Variants in IQUB observed in about 807,000 individuals in gnomAD.
IQUB encodes the protein IQ motif and ubiquitin-like domain-containing protein.
IQUB carries 86 observed loss-of-function variants against 86.4 expected under a neutral mutation model. The observed-to-expected ratio is 1.00, with a 90% CI of 0.84 to 1.19. IQUB has a LOEUF of 1.19. IQUB is among the 50% of genes most tolerant of loss of function. The probability of loss-of-function intolerance (pLI) is 0.00; values close to 1 mark genes in which losing one functional copy is unlikely to be tolerated. For synonymous variants in IQUB, 289 were observed against 304.5 expected (o/e 0.95, Z 0.53); for missense variants, 946 against 916.9 (o/e 1.03, Z -0.41).
chr7:123,529,727 A>AAAAAAAAAAC (rs1797430492), intron 1 of IQUB, among the ~76,000 whole-genome samples: 1 of 139,670 alleles, frequency 7.2e-6, no homozygotes, highest in African/African-American at 2.6e-5. Flanking sequence ...CTCTACTTAA[A>AAAAAAAAAAC]AAAAAAAAAA....
chr7:123,521,038 G>A (rs995464573), intron 1 of IQUB, among the ~76,000 whole-genome samples: 1 of 152,150 alleles, frequency 6.6e-6, no homozygotes, highest in Admixed American at 6.5e-5. Context: ...CTGAGTTTGA[G>A]ATGCCCATTG....
intron 1 of IQUB, among the ~76,000 whole-genome samples, chr7:123,530,448 A>G (rs1797477265): frequency 6.6e-6 from 1 of 152,116 alleles, no homozygotes; most frequent in Non-Finnish European, 1.5e-5. Context: ...ACAAAAAACC[A>G]AAAACAAAAC....
intron 7 of IQUB, among the ~76,000 whole-genome samples, chr7:123,495,597 A>C (rs972535335): frequency 6.6e-6 from 1 of 152,138 alleles, no homozygotes; most frequent in Non-Finnish European, 1.5e-5. Flanking sequence ...ACAAAAGCCA[A>C]TTGAGGCTAT....
At chr7:123,461,213 A>G (rs1793963867) in intron 11 of IQUB, 144 bp downstream of exon 11, 1 of 804,454 alleles carries the variant, frequency 1.2e-6, no homozygotes, top group South Asian at 2.1e-5. Flanking sequence ...GAAAAAAAGC[A>G]TACTCCTGCC....
intron 8 of IQUB, among the ~76,000 whole-genome samples, chr7:123,478,570 TA>T (rs537646372): frequency 2.0e-5 from 3 of 151,506 alleles, no homozygotes; most frequent in Non-Finnish European, 2.9e-5. Context: ...TAAAGTGTAA[TA>T]AAAAAAAGAA....
intron 1 of IQUB, among the ~76,000 whole-genome samples, chr7:123,513,424 G>C (rs1332505852): frequency 1.3e-5 from 2 of 152,198 alleles, no homozygotes; most frequent in East Asian, 3.9e-4. Context: ...AGAAAGCCTA[G>C]CATGTTTTTG....
chr7:123,503,587 C>T (rs1796047311), intron 3 of IQUB, among the ~76,000 whole-genome samples: 1 of 151,930 alleles, frequency 6.6e-6, no homozygotes, highest in Non-Finnish European at 1.5e-5. Flanking sequence ...ATTTTCTTAG[C>T]AATTTTCAAA....
At chr7:123,479,169 T>C (rs1287181066) in intron 8 of IQUB, among the ~76,000 whole-genome samples, 1 of 152,164 alleles carries the variant, frequency 6.6e-6, no homozygotes, top group African/African-American at 2.4e-5. Context: ...GAATTGACTT[T>C]AAATTGTTTG....
At chr7:123,496,934 A>C (rs1011413545) in intron 6 of IQUB, 28 bp from the exon 7 acceptor site, 2 of 1,458,096 alleles carry the variant, frequency 1.4e-6, no homozygotes, top group Non-Finnish European at 1.9e-6. Flanking sequence ...GGAAATAGAA[A>C]GTGCCTATCA....
intron 7 of IQUB, among the ~76,000 whole-genome samples, chr7:123,487,984 A>G (rs1211491968): frequency 1.3e-5 from 2 of 152,308 alleles, no homozygotes; most frequent in East Asian, 3.9e-4. Context: ...ACAGTAGAAC[A>G]TAAACTTTTA....
chr7:123,456,145 T>A (rs1278203085), intron 12 of IQUB, among the ~76,000 whole-genome samples: 2 of 152,104 alleles, frequency 1.3e-5, no homozygotes, highest in Non-Finnish European at 2.9e-5. Context: ...CAAATCTTGG[T>A]GCCCTTTACA....
chr7:123,460,216 A>C (rs1397297454), intron 11 of IQUB, among the ~76,000 whole-genome samples: 4 of 151,868 alleles, frequency 2.6e-5, no homozygotes, highest in African/African-American at 9.7e-5. Flanking sequence ...AATAATGCCT[A>C]TTTTGATAGG....
At chr7:123,483,546 G>T (rs1795095225) in intron 7 of IQUB, among the ~76,000 whole-genome samples, 1 of 151,964 alleles carries the variant, frequency 6.6e-6, no homozygotes. Context: ...TAATTTTTGA[G>T]CAATTATTAT....
chr7:123,525,102 CCAGT>C (rs1797129078), intron 1 of IQUB, among the ~76,000 whole-genome samples: 1 of 152,116 alleles, frequency 6.6e-6, no homozygotes, highest in African/African-American at 2.4e-5. Flanking sequence ...ATTCGGTTTG[CCAGT>C]ATTTTATTGA....
chr7:123,455,477 C>T (rs969278110), intron 12 of IQUB, among the ~76,000 whole-genome samples: 5 of 151,994 alleles, frequency 3.3e-5, no homozygotes, highest in African/African-American at 1.2e-4. Flanking sequence ...TAAAATGCAT[C>T]AAAAATTTTT....
At chr7:123,468,262 A>C (rs1228873524) in intron 9 of IQUB, among the ~76,000 whole-genome samples, 1 of 152,224 alleles carries the variant, frequency 6.6e-6, no homozygotes, top group East Asian at 1.9e-4. Context: ...AATAGATAGT[A>C]GAGGAAGGAA....
At chr7:123,474,213 AG>A (rs1166208425) in intron 8 of IQUB, among the ~76,000 whole-genome samples, 1 of 152,242 alleles carries the variant, frequency 6.6e-6, no homozygotes, top group East Asian at 1.9e-4. Context: ...ATTAAAGGAA[AG>A]TAAATGTTTC....
In IQUB at chr7:123,457,263, TTC is replaced by T. The variant is rs574075875; in HGVS notation, c.2193+116_2193+117del. On this transcript the variant is annotated intron_variant, in intron 12 of 12. Transcript: ENST00000324698. ...AATTTTTTTGTTGTTAATCCATAAG[TTC>T]TGTTTCTTAATCTGATGGAAGTATT... The T allele has an allele frequency of 8.2e-5, 118 of 1,444,544 alleles. No homozygotes were observed. The African/African-American group carries it at 1.4e-3, about 17-fold the overall frequency. The allele number at this position is 1,444,544 out of a possible 1,614,324, so 89.5% of individuals were successfully genotyped here.
intron 1 of IQUB, among the ~76,000 whole-genome samples, chr7:123,518,029 T>A (rs1016101211): frequency 6.6e-6 from 1 of 152,232 alleles, no homozygotes; most frequent in Non-Finnish European, 1.5e-5. Flanking sequence ...GTTGATCCAA[T>A]AGGCCTAAGA....
Sources: gnomAD v4.1 joint callset for allele counts (sites outside exome capture counted in the v4.1 genomes callset) on GRCh38, gnomAD v4.1.1 for gene constraint, MANE v1.5 for transcripts, NCBI Gene and HGNC (gene_info 2026-07-23, HGNC 2026-07-21) for gene names.